Variants in ETV3L observed in about 807,000 individuals in gnomAD.
ETV3L encodes the protein ETS variant transcription factor 3 like.
Under a neutral mutation model 27.6 loss-of-function variants are expected in ETV3L, and 30 were observed. That is an observed-to-expected ratio of 1.09 (90% confidence interval 0.81 to 1.48). The LOEUF is 1.48. Ranked by LOEUF, ETV3L falls within the 40% of genes most tolerant of loss-of-function variation. The pLI, the probability that ETV3L is intolerant of heterozygous loss-of-function variation, is 0.00. For synonymous variants in ETV3L, 186 were observed against 188.9 expected (o/e 0.98, Z 0.12); for missense variants, 443 against 455.6 (o/e 0.97, Z 0.25).
intron 4 of ETV3L, among the ~76,000 whole-genome samples, chr1:157,095,890 T>C (rs1674209566): frequency 6.6e-6 from 1 of 152,204 alleles, no homozygotes; most frequent in Non-Finnish European, 1.5e-5. Context: ...TTCTTTGACC[T>C]CTGCACAAGA....
At chr1:157,094,098 A>G (rs1674175268) in intron 4 of ETV3L, among the ~76,000 whole-genome samples, 1 of 152,238 alleles carries the variant, frequency 6.6e-6, no homozygotes, top group South Asian at 2.1e-4. Flanking sequence ...ATTCTCTGCT[A>G]TATCTCAATG....
chr1:157,099,721 A>G lies in ETV3L; in HGVS notation c.-198T>C, dbSNP rs1674305901. On this transcript the variant is annotated 5_prime_UTR_variant, in exon 1 of 5. Transcript: ENST00000454449. The stretch of plus-strand genomic sequence containing the variant: ...AGAGGTTGCCAGTGAAGGGGAGAAA[A>G]GGGAACCAGAGGCAGCAAGCTTCCC... 9.8e-6 allele frequency: 6 copies of G among 612,364 alleles called. No individual in the cohort carries two copies. In the East Asian group the frequency reaches 1.7e-4, roughly 17 times the overall value. 37.9% of individuals were successfully genotyped at this position (612,364 alleles called of 1,614,324 possible).
chr1:157,095,531 TTTTCTTTC>T (rs963130134), intron 4 of ETV3L, among the ~76,000 whole-genome samples: 1 of 148,870 alleles, frequency 6.7e-6, no homozygotes, highest in African/African-American at 2.5e-5. Flanking sequence ...GGGAACACTT[TTTTCTTTC>T]TTTCTTTCTT....
At chr1:157,098,118 T>C in intron 3 of ETV3L, 130 bp from the exon 4 acceptor site, 1 of 1,035,464 alleles carries the variant, frequency 9.7e-7, no homozygotes, top group Non-Finnish European at 1.3e-6. Flanking sequence ...TTTTTTTGAG[T>C]TGGAGTCTTG....
rs1406424109 is a variant in ETV3L, at chr1:157,093,108, G to A, written c.627C>T (p.Gly209=). ...GGCAGCAAAGGCCCAGCCGGCAGGG[G>A]CCTGGGGCAGAGCCAAGTCCTAGAG... The part of the protein sequence containing the change: ...SSVYRLGSAP[G]PCRLGLCCHL... The change falls in exon 5 of 5, where the codon GGC becomes GGT. Residue 209 remains glycine (G), a synonymous_variant. Coordinates refer to ENST00000454449, the MANE Select transcript of ETV3L (RefSeq NM_001004341.2). The A allele has an allele frequency of 3.4e-6, 5 of 1,460,494 alleles. No individual in the cohort carries two copies. The allele number at this position is 1,460,494 out of a possible 1,614,324, so 90.5% of individuals were successfully genotyped here. A position where few individuals can be genotyped will look rare whatever the true frequency, so the allele number is the denominator to read the frequency against.
At chr1:157,098,020 T>A in intron 3 of ETV3L, 32 bp from the exon 4 acceptor site, 2 of 1,569,044 alleles carry the variant, frequency 1.3e-6, no homozygotes, top group Non-Finnish European at 1.7e-6. Context: ...CGAGGTGTGA[T>A]GGGCTCTCCT....
intron 4 of ETV3L, among the ~76,000 whole-genome samples, chr1:157,093,435 C>T (rs151278068): frequency 7.2e-5 from 11 of 151,814 alleles, no homozygotes; most frequent in Non-Finnish European, 1.3e-4. Context: ...GATTGAGTCT[C>T]GCCATGTTGC....
In ETV3L at chr1:157,092,634, C is replaced by T. The variant is rs753660854; in HGVS notation, c.*15G>A. ...TTTGGAGGACTCCTCCCCAACTTCC[C>T]ACCTTCCTCTCTAGTTAAGGAGGAT... On this transcript the variant is annotated 3_prime_UTR_variant, in exon 5 of 5. Transcript: ENST00000454449. 5 of 1,572,474 alleles carry T rather than the reference C, an allele frequency of 3.2e-6. No individual in the cohort carries two copies. Among genetic ancestry groups the T allele is most frequent in the Non-Finnish European group, 4.3e-6 (5 of 1,157,350 alleles).
intron 4 of ETV3L, 84 bp downstream of exon 4, chr1:157,097,784 C>A: frequency 6.6e-7 from 1 of 1,522,142 alleles, no homozygotes; most frequent in Non-Finnish European, 9.0e-7. Context: ...TTGTCTCATG[C>A]CCCCTCAGCC....
Position 157,092,420 on chromosome 1 carries a change from T to C in ETV3L, c.*229A>G, listed in dbSNP as rs1422143092. On this transcript the variant is annotated 3_prime_UTR_variant, in exon 5 of 5. Coordinates refer to ENST00000454449, the MANE Select transcript of ETV3L (RefSeq NM_001004341.2). ...GTTGAGATTAGGAATGTCCCCTTAG[T>C]CTGCTTAGCAATATGGTGAAAGAGG... 2.3e-5 allele frequency: 12 copies of C among 527,638 alleles called. No individual in the cohort carries two copies. Among genetic ancestry groups the C allele is most frequent in the Non-Finnish European group, 4.0e-5 (12 of 300,260 alleles). 32.7% of individuals were successfully genotyped at this position (527,638 alleles called of 1,614,324 possible).
At chr1:157,095,739 T>G (rs979532612) in intron 4 of ETV3L, among the ~76,000 whole-genome samples, 1 of 151,806 alleles carries the variant, frequency 6.6e-6, no homozygotes, top group Admixed American at 6.6e-5. Context: ...GCCCAGCGAG[T>G]CCCAGCAGGC....
rs1177000140 is a variant in ETV3L at position 157,098,889 on chromosome 1, GTAA to G, written c.300_302del (p.Tyr102del). The G allele has an allele frequency of 1.9e-6, 3 of 1,611,056 alleles. No individual in the cohort carries two copies. The South Asian group carries it at 3.3e-5, about 18-fold the overall frequency. ...TCTTATGCAGGATCCTCTTATTGTA[GTAA>G]TATCTGGAGAATTCGAAGTTGAGAA... On this transcript the variant is annotated inframe_deletion, in exon 3 of 5. Coordinates refer to ENST00000454449, the MANE Select transcript of ETV3L (RefSeq NM_001004341.2).
chr1:157,096,559 A>G (rs1022270979), intron 4 of ETV3L, among the ~76,000 whole-genome samples: 6 of 152,176 alleles, frequency 3.9e-5, no homozygotes, highest in African/African-American at 1.4e-4. Flanking sequence ...ATTATCTTCA[A>G]AAGCCTCCCA....
Position 157,092,695 on chromosome 1 carries a change from G to A in ETV3L, c.1040C>T (p.Pro347Leu), listed in dbSNP as rs145240495. 2.1e-5 allele frequency: 34 copies of A among 1,613,646 alleles called. No homozygotes were observed. Among genetic ancestry groups the A allele is most frequent in the Middle Eastern group, 3.3e-4 (2 of 6,052 alleles). The change falls in exon 5 of 5, where the codon CCC becomes CTC. Residue 347 changes from proline to leucine, a missense_variant. Transcript: ENST00000454449. ...CACTGCTTTGAGGTTCTCCAGATTG[G>A]GGGAAGTAAGGCTTTCCTCCCCAGT... is the stretch of plus-strand genomic sequence containing the variant. ...LKTGEESLTS[P>L]NLENLKAVWP...
rs141681885 is a variant in ETV3L, at chr1:157,093,778, C to T, written c.608-651G>A. ...AAAGTGCTGGGATTACAAGCATGAGCCACCGCGCACAGCTCCTTTTCTGCT... is the reference window on the plus strand; with the variant it reads ...AAAGTGCTGGGATTACAAGCATGAGTCACCGCGCACAGCTCCTTTTCTGCT... On this transcript the variant is annotated intron_variant, in intron 4 of 4. Coordinates refer to ENST00000454449, the MANE Select transcript of ETV3L (RefSeq NM_001004341.2). Among the ~76,000 whole-genome samples, 636 of 152,288 alleles carry T rather than the reference C, an allele frequency of 4.2e-3. 6 individuals carry two copies. The highest frequency in any genetic ancestry group is 6.2e-3 in the Non-Finnish European group (424 of 68,024).
Position 157,092,666 on chromosome 1 carries a change from G to T in ETV3L, c.1069C>A (p.Pro357Thr), listed in dbSNP as rs1674138330. Residue 357 changes from proline (P) to threonine (T), a missense_variant, in exon 5 of 5, where the codon CCC (proline) becomes ACC (threonine). Physicochemically the swap from Pro to Thr is conservative, Grantham distance 38 (BLOSUM62 -1). Coordinates refer to ENST00000454449, the MANE Select transcript of ETV3L (RefSeq NM_001004341.2). Reference protein sequence around the residue: ...PNLENLKAVWPLDPP With the variant: ...PNLENLKAVWTLDPP The stretch of plus-strand genomic sequence containing the variant: ...CTCTCTAGTTAAGGAGGATCCAAGG[G>T]CCACACTGCTTTGAGGTTCTCCAGA... 6.2e-7 allele frequency: 1 copy of T among 1,609,508 alleles called. No homozygotes were observed. Among genetic ancestry groups the T allele is most frequent in the Non-Finnish European group, 8.5e-7 (1 of 1,177,646 alleles).
chr1:157,098,936 C>CAG (rs1318474333), intron 2 of ETV3L, 41 bp from the exon 3 acceptor site: 1 of 1,574,050 alleles, frequency 6.4e-7, no homozygotes, highest in African/African-American at 1.4e-5. Context: ...GCCCAGCAGT[C>CAG]AGAGAATAGA....
Position 157,099,336 on chromosome 1 carries a change from G to A in ETV3L, c.101C>T (p.Pro34Leu). The A allele has an allele frequency of 6.2e-7, 1 of 1,614,190 alleles. No homozygotes were observed. Among genetic ancestry groups the A allele is most frequent in the Non-Finnish European group, 8.5e-7 (1 of 1,180,044 alleles). The part of the protein sequence containing the change: ...PDWAYKAESS[P>L]GSRQIQLWHF... ...CCACAGCTGGATCTGCCGGGAGCCTGGGGACGACTCGGCTTTGTAGGCCCA... is the reference window on the plus strand; with the variant it reads ...CCACAGCTGGATCTGCCGGGAGCCTAGGGACGACTCGGCTTTGTAGGCCCA... Residue 34 changes from proline (P) to leucine (L), a missense_variant, in exon 2 of 5, where the codon CCA becomes CTA. Pro to Leu is a moderately conservative substitution (Grantham distance 98). Transcript: ENST00000454449.
chr1:157,097,236 G>C (rs1674244264), intron 4 of ETV3L, among the ~76,000 whole-genome samples: 1 of 152,028 alleles, frequency 6.6e-6, no homozygotes, highest in Admixed American at 6.5e-5. Flanking sequence ...AGTTTGGGAG[G>C]CTGAGGCGGG....
Sources: allele counts gnomAD v4.1 joint callset (sites outside exome capture counted in the v4.1 genomes callset), GRCh38; gene constraint gnomAD v4.1.1; transcripts MANE v1.5; gene names NCBI Gene and HGNC (gene_info 2026-07-23, HGNC 2026-07-21).